PTPRM: variants seen among roughly 807,000 people sequenced by gnomAD.
PTPRM encodes the protein protein tyrosine phosphatase receptor type M, also known as receptor-type tyrosine-protein phosphatase mu.
Under a neutral mutation model 186.7 loss-of-function variants are expected in PTPRM, and 47 were observed. That is an observed-to-expected ratio of 0.25 (90% CI 0.20 to 0.32). PTPRM has a LOEUF of 0.32. PTPRM is among the 10% of genes least tolerant of loss of function. The pLI is 1.00. For synonymous variants in PTPRM, 668 were observed against 674.9 expected (o/e 0.99, Z 0.16); for missense variants, 1,494 against 1,865.0 (o/e 0.80, Z 3.66).
intron 14 of PTPRM, chr18:8,154,491 C>T (rs1370861213): frequency 2.6e-5 from 4 of 152,194 alleles, no homozygotes; most frequent in African/African-American, 7.2e-5. Context: ...GAGCCAGCCG[C>T]CATCGTCTGT....
chr18:7,586,479 A>G (rs1000554665), intron 1 of PTPRM, among the ~76,000 whole-genome samples: 7 of 152,084 alleles, frequency 4.6e-5, no homozygotes, highest in African/African-American at 1.7e-4. Context: ...ATTATATTAT[A>G]ATATAAACCA....
At chr18:7,834,650 C>G (rs924943951) in intron 2 of PTPRM, among the ~76,000 whole-genome samples, 1 of 151,054 alleles carries the variant, frequency 6.6e-6, no homozygotes, top group South Asian at 2.1e-4. Context: ...CTCCATCCTC[C>G]TCTGTTTTTC....
chr18:7,797,069 A>C (rs1404881451), intron 2 of PTPRM, among the ~76,000 whole-genome samples: 2 of 152,168 alleles, frequency 1.3e-5, no homozygotes, highest in Admixed American at 1.3e-4. Flanking sequence ...AGCTCCACTC[A>C]TGTACCTGTC....
intron 24 of PTPRM, among the ~76,000 whole-genome samples, chr18:8,374,434 A>G (rs1436085270): frequency 2.0e-5 from 3 of 152,196 alleles, no homozygotes; most frequent in Non-Finnish European, 4.4e-5. Flanking sequence ...ATGGGAATGC[A>G]TACCACCAAA....
chr18:7,710,646 C>T (rs974825719), intron 1 of PTPRM, among the ~76,000 whole-genome samples: 2 of 152,028 alleles, frequency 1.3e-5, no homozygotes, highest in Admixed American at 6.6e-5. Flanking sequence ...CCTAGAAAAC[C>T]CTAAAGATTC....
chr18:8,198,135 A>G (rs2093804707), intron 14 of PTPRM, among the ~76,000 whole-genome samples: 3 of 152,146 alleles, frequency 2.0e-5, no homozygotes, highest in Admixed American at 6.5e-5. Context: ...TCATTTCACT[A>G]AAGTAAAATT....
chr18:7,723,702 GGAGGCATGATTTT>G (rs1365540945), intron 1 of PTPRM, among the ~76,000 whole-genome samples: 2 of 152,156 alleles, frequency 1.3e-5, no homozygotes, highest in Non-Finnish European at 2.9e-5. Context: ...TTATTCCTCA[GGAGGCATGATTTT>G]GAGGCATGTT....
At chr18:8,362,914 C>G (rs959030863) in intron 23 of PTPRM, among the ~76,000 whole-genome samples, 3 of 152,210 alleles carry the variant, frequency 2.0e-5, no homozygotes, top group African/African-American at 7.2e-5. Flanking sequence ...CCAGACAGTG[C>G]GGCTCCAGGG....
intron 14 of PTPRM, among the ~76,000 whole-genome samples, chr18:8,164,376 A>C (rs1456834805): frequency 6.6e-6 from 1 of 152,244 alleles, no homozygotes; most frequent in Non-Finnish European, 1.5e-5. Flanking sequence ...GAAAACAGGG[A>C]CTCAAACAAA....
rs143451803 is a variant in PTPRM, at chr18:7,695,328, C to T, written c.74-78821C>T. Among the ~76,000 whole-genome samples, 8 of 151,900 alleles carry T rather than the reference C, an allele frequency of 5.3e-5. No individual in the cohort carries two copies. The East Asian group carries it at 7.8e-4, about 15-fold the overall frequency. ...CTCCTTTTGGTTTTGTCTACATGAA[C>T]ACAATGCAGCGTATGGTTTGGGTTT... On this transcript the variant is annotated intron_variant, in intron 1 of 32. Transcript: ENST00000580170.
intron 1 of PTPRM, among the ~76,000 whole-genome samples, chr18:7,694,273 G>A (rs942133626): frequency 1.3e-5 from 2 of 152,126 alleles, no homozygotes; most frequent in Non-Finnish European, 2.9e-5. Flanking sequence ...ATGTTTCTAA[G>A]TCACTTTCCA....
intron 1 of PTPRM, among the ~76,000 whole-genome samples, chr18:7,718,973 T>C (rs768848929): frequency 2.6e-5 from 4 of 152,182 alleles, no homozygotes; most frequent in Non-Finnish European, 5.9e-5. Context: ...ACAACCACTA[T>C]GGAAAATAGT....
intron 7 of PTPRM, among the ~76,000 whole-genome samples, chr18:8,024,950 C>T (rs915174469): frequency 6.6e-6 from 1 of 152,058 alleles, no homozygotes; most frequent in African/African-American, 2.4e-5. Flanking sequence ...TCAAGTGATC[C>T]TCCTGCCTTG....
intron 7 of PTPRM, among the ~76,000 whole-genome samples, chr18:8,006,310 G>A (rs995969176): frequency 6.6e-6 from 1 of 152,156 alleles, no homozygotes; most frequent in East Asian, 1.9e-4. Context: ...AAGAATAATG[G>A]GCCTGTATGC....
At chr18:7,911,518 A>G (rs2050262573) in intron 4 of PTPRM, among the ~76,000 whole-genome samples, 1 of 152,134 alleles carries the variant, frequency 6.6e-6, no homozygotes, top group Non-Finnish European at 1.5e-5. Flanking sequence ...ATTTATATGT[A>G]TGTTTGGGAG....
intron 32 of PTPRM, among the ~76,000 whole-genome samples, chr18:8,396,737 A>G (rs1051528697): frequency 9.9e-5 from 15 of 152,226 alleles, no homozygotes; most frequent in Admixed American, 2.6e-4. Context: ...TGAGAAATGT[A>G]GGAAAGTTTT....
At chr18:8,355,494 TACC>T (rs1199891068) in intron 23 of PTPRM, among the ~76,000 whole-genome samples, 1 of 152,000 alleles carries the variant, frequency 6.6e-6, no homozygotes, top group African/African-American at 2.4e-5. Context: ...GTCATGGATA[TACC>T]ACGTCAGGAA....
intron 1 of PTPRM, among the ~76,000 whole-genome samples, chr18:7,735,275 A>C (rs960367355): frequency 6.6e-6 from 1 of 152,054 alleles, no homozygotes; most frequent in East Asian, 1.9e-4. Flanking sequence ...AAATTAGTTG[A>C]GCATGGTGGT....
intron 22 of PTPRM, among the ~76,000 whole-genome samples, chr18:8,336,566 AAGAG>A (rs1363593351): frequency 6.7e-6 from 1 of 149,008 alleles, no homozygotes; most frequent in African/African-American, 2.5e-5. Flanking sequence ...AAAAGAAAGA[AAGAG>A]AGACAGACAG....
Sources: gnomAD v4.1 joint callset for allele counts (sites outside exome capture counted in the v4.1 genomes callset) on GRCh38, gnomAD v4.1.1 for gene constraint, MANE v1.5 for transcripts, NCBI Gene and HGNC (gene_info 2026-07-23, HGNC 2026-07-21) for gene names.